The following DPH6 variants were observed in gnomAD, a reference collection of about 807,000 sequenced individuals.
The protein encoded by DPH6 is diphthine--ammonia ligase.
A neutral mutation model predicts 38.2 loss-of-function variants in DPH6; 33 were observed. The observed-to-expected ratio is 0.86, with a 90% CI of 0.65 to 1.15. The LOEUF (loss-of-function observed/expected upper bound fraction) is 1.15, where lower values mean the gene tolerates loss of function less well. Ranked by LOEUF, DPH6 falls within the 50% of genes most tolerant of loss-of-function variation. The pLI, the probability that DPH6 is intolerant of heterozygous loss-of-function variation, is 0.00. For missense variants in DPH6, 325 were observed against 320.0 expected (o/e 1.02, Z -0.12); for synonymous variants, 108 against 103.0 (o/e 1.05, Z -0.30).
Position 35,477,331 on chromosome 15 carries a change from T to TG in DPH6, c.313-22512_313-22511insC, listed in dbSNP as rs546429766. 3.5e-4 allele frequency among the ~76,000 whole-genome samples: 53 copies of TG among 151,990 alleles called. No homozygotes were observed. The East Asian group carries it at 8.1e-3, about 23-fold the overall frequency. ...AGGGGAGTGGATTTTCTCTTAAATA[T>TG]TAACTTGGAGTTGTTGCACTTTGTT... is the stretch of plus-strand genomic sequence containing the variant. On this transcript the variant is annotated intron_variant, in intron 3 of 8. Coordinates refer to ENST00000256538, the MANE Select transcript of DPH6 (RefSeq NM_080650.4).
chr15:35,346,169 A>C (rs1206743659), intron 3 of DPH6, among the ~76,000 whole-genome samples: 1 of 152,014 alleles, frequency 6.6e-6, no homozygotes, highest in Admixed American at 6.6e-5. Flanking sequence ...GGTTATACTT[A>C]ACAGAATCTA....
intron 3 of DPH6, among the ~76,000 whole-genome samples, chr15:35,474,111 G>A (rs2141133410): frequency 6.6e-6 from 1 of 152,280 alleles, no homozygotes; most frequent in Non-Finnish European, 1.5e-5. Context: ...CCAAGTGACT[G>A]TGTTGCCCAT....
At chr15:35,492,940 A>C (rs559950232) in intron 3 of DPH6, among the ~76,000 whole-genome samples, 1 of 152,334 alleles carries the variant, frequency 6.6e-6, no homozygotes, top group East Asian at 1.9e-4. Flanking sequence ...GGTTTACTAG[A>C]CACAAGACAG....
intron 3 of DPH6, among the ~76,000 whole-genome samples, chr15:35,347,130 A>C (rs1222784532): frequency 6.6e-6 from 1 of 152,110 alleles, no homozygotes; most frequent in Non-Finnish European, 1.5e-5. Context: ...CTCTAAACCC[A>C]TTGAACTCTC....
chr15:35,275,726 A>AATAAT (rs1555390648), intron 3 of DPH6, among the ~76,000 whole-genome samples: 2 of 151,920 alleles, frequency 1.3e-5, no homozygotes, highest in African/African-American at 4.8e-5. Flanking sequence ...AAAAAAAAAA[A>AATAAT]AATAATAATA....
chr15:35,287,988 G>A (rs1054608986), intron 3 of DPH6, among the ~76,000 whole-genome samples: 2 of 152,024 alleles, frequency 1.3e-5, no homozygotes, highest in Non-Finnish European at 2.9e-5. Context: ...AATAAACCAC[G>A]GACAATACCT....
At chr15:35,300,770 T>C (rs1566863459) in intron 3 of DPH6, among the ~76,000 whole-genome samples, 1 of 152,190 alleles carries the variant, frequency 6.6e-6, no homozygotes, top group South Asian at 2.1e-4. Context: ...AAATATTCTT[T>C]GCAACATTTG....
the DPH6 span, among the ~76,000 whole-genome samples, chr15:35,192,820 A>G: frequency 8.9e-4 from 135 of 152,328 alleles, 1 homozygote; most frequent in African/African-American, 3.1e-3. Flanking sequence ...TTTCTACTAC[A>G]TTTATTGAGC....
intron 3 of DPH6, among the ~76,000 whole-genome samples, chr15:35,265,433 T>C (rs2051777169): frequency 6.6e-6 from 1 of 152,212 alleles, no homozygotes; most frequent in Admixed American, 6.5e-5. Flanking sequence ...ACTGACATTC[T>C]TTAGGCATTT....
chr15:35,310,989 G>A (rs2052136735), intron 3 of DPH6, among the ~76,000 whole-genome samples: 1 of 151,734 alleles, frequency 6.6e-6, no homozygotes, highest in Non-Finnish European at 1.5e-5. Flanking sequence ...AACCCGGGAG[G>A]AGGAGGTTGC....
intron 3 of DPH6, among the ~76,000 whole-genome samples, chr15:35,338,355 T>C (rs1404048359): frequency 1.3e-5 from 2 of 151,718 alleles, no homozygotes; most frequent in Non-Finnish European, 2.9e-5. Flanking sequence ...AACAACCCCA[T>C]CAAAAAGTGG....
chr15:35,214,205 C>T (rs1176177159), downstream of DPH6, among the ~76,000 whole-genome samples: 1 of 151,996 alleles, frequency 6.6e-6, no homozygotes, highest in Non-Finnish European at 1.5e-5. Context: ...TTACATTGCT[C>T]ATTCAGTACT....
chr15:35,398,481 A>G (rs1157591066), intron 6 of DPH6, among the ~76,000 whole-genome samples: 10 of 152,198 alleles, frequency 6.6e-5, no homozygotes, highest in Admixed American at 6.5e-4. Context: ...GGGTTCAGAG[A>G]GCTTCCAGAT....
intron 3 of DPH6, among the ~76,000 whole-genome samples, chr15:35,281,527 G>A (rs1231137742): frequency 6.6e-6 from 1 of 152,132 alleles, no homozygotes; most frequent in Non-Finnish European, 1.5e-5. Flanking sequence ...ACCTAAGCAG[G>A]AGGCTGGAAG....
intron 6 of DPH6, among the ~76,000 whole-genome samples, chr15:35,394,621 A>G (rs2053106236): frequency 6.6e-6 from 1 of 152,200 alleles, no homozygotes; most frequent in Non-Finnish European, 1.5e-5. Flanking sequence ...GGAGACAGAC[A>G]GTTCTTGGTT....
At chr15:35,327,405 A>G (rs1029926217), downstream of DPH6, among the ~76,000 whole-genome samples, 3 of 142,972 alleles carry the variant, frequency 2.1e-5, no homozygotes, top group East Asian at 2.1e-4. Flanking sequence ...GAGTGCAGTG[A>G]CGCAATCTTG....
intron 3 of DPH6, among the ~76,000 whole-genome samples, chr15:35,228,189 G>C (rs1180280047): frequency 1.3e-5 from 2 of 152,070 alleles, no homozygotes; most frequent in African/African-American, 4.8e-5. Context: ...CAAACAAAAA[G>C]AAATAATAAA....
rs562414973 is a variant in DPH6 at position 35,539,557 on chromosome 15, C to T, written c.119-1090G>A. 6.4e-4 allele frequency among the ~76,000 whole-genome samples: 97 copies of T among 151,978 alleles called. 1 individual carries two copies. In the South Asian group the frequency reaches 0.02, roughly 31 times the overall value. ...ATGAACTATCTCTCAAATTTATCTA[C>T]CCACAGAACACGTAAATTTAATGGG... On this transcript the variant is annotated intron_variant, in intron 2 of 8. Transcript: ENST00000256538.
At chr15:35,360,201 G>A (rs971939099) in intron 3 of DPH6, among the ~76,000 whole-genome samples, 6 of 152,246 alleles carry the variant, frequency 3.9e-5, no homozygotes, top group Admixed American at 6.5e-5. Context: ...GATTGATAGG[G>A]CTGCCTCCAA....
Sources: gnomAD v4.1 joint callset for allele counts (sites outside exome capture counted in the v4.1 genomes callset) on GRCh38, gnomAD v4.1.1 for gene constraint, MANE v1.5 for transcripts, NCBI Gene and HGNC (gene_info 2026-07-23, HGNC 2026-07-21) for gene names.